HOXA10: variants seen among roughly 807,000 people sequenced by gnomAD.
HOXA10 encodes the protein homeobox A10, also known as homeobox protein Hox-A10.
HOXA10 carries 12 observed loss-of-function variants against 29.7 expected under a neutral mutation model. That is an observed-to-expected ratio of 0.40 (90% CI 0.26 to 0.65). The LOEUF is 0.65. Among genes scored for constraint, HOXA10 ranks in the 30% least tolerant of loss-of-function variants. HOXA10 has a pLI of 0.37. For missense variants in HOXA10, 656 were observed against 585.9 expected (o/e 1.12, Z -1.24); for synonymous variants, 327 against 280.7 (o/e 1.16, Z -1.65).
upstream of HOXA10, among the ~76,000 whole-genome samples, chr7:27,176,027 G>A (rs561847602): frequency 4.7e-4 from 72 of 152,360 alleles, no homozygotes; most frequent in Middle Eastern, 6.8e-3. Context: ...TCCGGGCCCA[G>A]AAGGCCGCTC....
At chr7:27,176,758 T>C (rs1393845701), upstream of HOXA10, among the ~76,000 whole-genome samples, 1 of 152,204 alleles carries the variant, frequency 6.6e-6, no homozygotes, top group Non-Finnish European at 1.5e-5. Context: ...ATATTTGAGA[T>C]AGTGGAGGCT....
At chr7:27,179,236 C>T (rs572003981), upstream of HOXA10, among the ~76,000 whole-genome samples, 2 of 152,210 alleles carry the variant, frequency 1.3e-5, no homozygotes, top group African/African-American at 4.8e-5. Flanking sequence ...GGAATAAGCT[C>T]GCCTTAGCGG....
At chr7:27,179,632 T>G (rs1783718236) in intron 1 of HOXA10, 1 of 778,210 alleles carries the variant, frequency 1.3e-6, no homozygotes, top group African/African-American at 1.7e-5. Flanking sequence ...ATTGCTAAAC[T>G]TGTGGCCTCT....
chr7:27,172,346 C>CA, intron 1 of HOXA10, 173 bp from the exon 2 acceptor site: 3 of 649,282 alleles, frequency 4.6e-6, no homozygotes, highest in Admixed American at 2.7e-5. Flanking sequence ...AAAGTCATGA[C>CA]AAAAATTGAG....
chr7:27,173,108 C>G (rs372422461), intron 1 of HOXA10: 4 of 611,998 alleles, frequency 6.5e-6, no homozygotes, highest in Non-Finnish European at 1.1e-5. Context: ...GTGTCCTCGT[C>G]CCTAGTCAGG....
chr7:27,179,075 T>C (rs1783704352), upstream of HOXA10, among the ~76,000 whole-genome samples: 1 of 152,254 alleles, frequency 6.6e-6, no homozygotes, highest in Non-Finnish European at 1.5e-5. Context: ...ACTCCAAGTA[T>C]GCAACACAGA....
In HOXA10 at chr7:27,172,034, G is replaced by T. The variant is rs746226210; in HGVS notation, c.1098C>A (p.Arg366=). The T allele has an allele frequency of 4.3e-6, 7 of 1,613,966 alleles. No homozygotes were observed. The highest frequency in any genetic ancestry group is 5.1e-6 in the Non-Finnish European group (6 of 1,179,944). Residue 366 remains arginine, a synonymous_variant, in exon 2 of 2, where the codon CGC becomes CGA. Transcript: ENST00000283921. The part of the protein sequence containing the change: ...LFNMYLTRER[R]LEISRSVHLT... ...GGTGGACGCTGCGGCTAATCTCTAG[G>T]CGCCGCTCTCGAGTAAGGTACATAT...
rs1783561795 is a variant in HOXA10 at position 27,173,457 on chromosome 7, C to A, written c.850G>T (p.Gly284Trp). 2.5e-6 allele frequency: 4 copies of A among 1,575,188 alleles called. No individual in the cohort carries two copies. The East Asian group carries it at 9.4e-5, about 37-fold the overall frequency. The change falls in exon 1 of 2, where the codon GGG (glycine) becomes TGG (tryptophan). Residue 284 changes from glycine (G) to tryptophan (W), a missense_variant. This residue lies in a region of HOXA10 where 594 missense variants were observed against 491.9 expected (regional missense o/e 1.21). Coordinates refer to ENST00000283921, the MANE Select transcript of HOXA10 (RefSeq NM_018951.4). The part of the protein sequence containing the change: ...PPPTLACGSG[G>W]GSQGDEEAHA... ...GCCTCCTCGTCGCCCTGCGAGCCCC[C>A]GCCGCTGCCGCAAGCCAGCGTGGGG...
chr7:27,175,131 C>T (rs557290712), upstream of HOXA10: 3 of 152,334 alleles, frequency 2.0e-5, no homozygotes, highest in African/African-American at 4.8e-5. Flanking sequence ...GATGGAAAGA[C>T]GGCCCCACTC....
At chr7:27,179,188 T>C (rs1783706230), upstream of HOXA10, among the ~76,000 whole-genome samples, 1 of 152,152 alleles carries the variant, frequency 6.6e-6, no homozygotes, top group Non-Finnish European at 1.5e-5. Context: ...GAGATGCACC[T>C]AGTAGGAAAC....
chr7:27,170,898 T>C lies in HOXA10; in HGVS notation c.*1001A>G. 1 of 454,484 alleles carries C rather than the reference T, an allele frequency of 2.2e-6. No individual in the cohort carries two copies. The highest frequency in any genetic ancestry group is 1.6e-5 in the South Asian group (1 of 64,474). 28.2% of individuals were successfully genotyped at this position (454,484 alleles called of 1,614,324 possible). ...GGAAATCCAAACAATGTCTCCCTTC[T>C]CTAGTTTATTCCGCTTACCCCAGTC... On this transcript the variant is annotated 3_prime_UTR_variant, in exon 2 of 2. Transcript: ENST00000283921.
upstream of HOXA10, among the ~76,000 whole-genome samples, chr7:27,177,305 G>A (rs1364866683): frequency 6.6e-6 from 1 of 152,194 alleles, no homozygotes; most frequent in East Asian, 1.9e-4. Flanking sequence ...AACCAAACGG[G>A]ATGTTGGGCT....
chr7:27,173,567 C>G lies in HOXA10; in HGVS notation c.740G>C (p.Gly247Ala), dbSNP rs899468754. Residue 247 changes from glycine (G) to alanine (A), a missense_variant, in exon 1 of 2, where the codon GGG becomes GCG. Transcript: ENST00000283921. ...GAGPFPAQPP[G>A]RGFDLPPALA... ...CGCGGGCGGGAGATCGAAACCGCGC[C>G]CCGGGGGCTGCGCGGGGAACGGGCC... 3 of 1,466,424 alleles carry G rather than the reference C, an allele frequency of 2.0e-6. No individual in the cohort carries two copies. The highest frequency in any genetic ancestry group is 2.7e-6 in the Non-Finnish European group (3 of 1,116,450). The allele number at this position is 1,466,424 out of a possible 1,614,324, so 90.8% of individuals were successfully genotyped here. A position where few individuals can be genotyped will look rare whatever the true frequency, so the allele number is the denominator to read the frequency against.
Position 27,173,908 on chromosome 7 carries a change from C to A in HOXA10, c.399G>T (p.Pro133=). The A allele has an allele frequency of 6.6e-7, 1 of 1,524,630 alleles. No homozygotes were observed. 94.4% of individuals were successfully genotyped at this position (1,524,630 alleles called of 1,614,324 possible). A position where few individuals can be genotyped will look rare whatever the true frequency, so the allele number is the denominator to read the frequency against. ...GCGGCTGCTGCTGGGGCGGCGGCGG[C>A]GGCCCGTCAGGCGGCTCCATCCGGC... The part of the protein sequence containing the change: ...RSCRMEPPDG[P]PPPPQQQPPP... The change falls in exon 1 of 2, where the codon CCG becomes CCT. Residue 133 remains proline (P), a synonymous_variant. Transcript: ENST00000283921.
At chr7:27,176,804 T>A (rs1310337279), upstream of HOXA10, among the ~76,000 whole-genome samples, 3 of 152,252 alleles carry the variant, frequency 2.0e-5, no homozygotes, top group African/African-American at 7.2e-5. Flanking sequence ...TCTTAACCTA[T>A]CTTTCCTAAC....
chr7:27,172,881 C>T (rs772634914), intron 1 of HOXA10: 1 of 170,080 alleles, frequency 5.9e-6, no homozygotes, highest in Admixed American at 6.1e-5. Context: ...CATGGGGGAT[C>T]GTAAACTCGA....
chr7:27,173,366 G>C lies in HOXA10; in HGVS notation c.941C>G (p.Pro314Arg), dbSNP rs143765484. Residue 314 changes from proline (P) to arginine (R), a missense_variant, in exon 1 of 2, where the codon CCG becomes CGG. Transcript: ENST00000283921. ...CTGCTTACCCAGGGAATCCTTCTCCGGCGAGGCTTTGCTGCTCTCGGAAGG... is the reference window on the plus strand; with the variant it reads ...CTGCTTACCCAGGGAATCCTTCTCCCGCGAGGCTTTGCTGCTCTCGGAAGG... ...PAPSESSKAS[P>R]EKDSLGNSKG... 6.8e-6 allele frequency: 11 copies of C among 1,611,928 alleles called. No homozygotes were observed. The highest frequency in any genetic ancestry group is 6.7e-5 in the East Asian group (3 of 44,854).
At chr7:27,179,525 G>A in intron 1 of HOXA10, 2 of 708,554 alleles carry the variant, frequency 2.8e-6, no homozygotes, top group South Asian at 3.0e-5. Context: ...CAATGGGGTG[G>A]GGGCTCCCTA....
In HOXA10 at chr7:27,171,870, G is replaced by A; in HGVS notation, c.*29C>T. 1 of 1,613,490 alleles carries A rather than the reference G, an allele frequency of 6.2e-7. No homozygotes were observed. Among genetic ancestry groups the A allele is most frequent in the African/African-American group, 1.3e-5 (1 of 75,022 alleles). ...GAGGGAGGGGACCAGCGCTCGGGAA[G>A]TGAAAAAACCGCGTCGCCTGGAGAT... On this transcript the variant is annotated 3_prime_UTR_variant, in exon 2 of 2. Coordinates refer to ENST00000283921, the MANE Select transcript of HOXA10 (RefSeq NM_018951.4).
Sources: gnomAD v4.1 joint callset for allele counts (sites outside exome capture counted in the v4.1 genomes callset) on GRCh38, gnomAD v4.1.1 for gene constraint, gnomAD v4.1.1 regional missense constraint, MANE v1.5 for transcripts, NCBI Gene and HGNC (gene_info 2026-07-23, HGNC 2026-07-21) for gene names.